The following KCTD8 variants were observed in gnomAD, a reference collection of about 807,000 sequenced individuals.
KCTD8 encodes BTB/POZ domain-containing protein KCTD8.
In KCTD8, 27 loss-of-function variants were observed where a neutral mutation model predicts 31.5. The ratio of observed to expected loss-of-function variants is 0.86; its 90% CI spans 0.63 to 1.18. The LOEUF (loss-of-function observed/expected upper bound fraction) is 1.18, where lower values mean the gene tolerates loss of function less well. Ranked by LOEUF, KCTD8 falls within the 50% of genes most tolerant of loss-of-function variation. The pLI is 0.00. For missense variants in KCTD8, 658 were observed against 647.7 expected, an observed-to-expected ratio of 1.02 and a Z score of -0.17; for synonymous variants, 290 against 280.0, an observed-to-expected ratio of 1.04 and a Z score of -0.36.
intron 1 of KCTD8, among the ~76,000 whole-genome samples, chr4:44,234,600 T>TA (rs1715221427): frequency 6.6e-6 from 1 of 152,154 alleles, no homozygotes; most frequent in Admixed American, 6.6e-5. Flanking sequence ...CAGCAGGGTA[T>TA]AACTCCATTG....
chr4:44,395,410 C>T (rs929513833), intron 1 of KCTD8, among the ~76,000 whole-genome samples: 2 of 152,074 alleles, frequency 1.3e-5, no homozygotes, highest in Non-Finnish European at 2.9e-5. Flanking sequence ...GGACACAACA[C>T]GGTACCTGAT....
At chr4:44,327,354 T>G (rs1439093732) in intron 1 of KCTD8, among the ~76,000 whole-genome samples, 1 of 151,870 alleles carries the variant, frequency 6.6e-6, no homozygotes, top group East Asian at 1.9e-4. Context: ...GTATTTAATA[T>G]GTTAACTTCA....
intron 1 of KCTD8, among the ~76,000 whole-genome samples, chr4:44,303,577 A>T (rs1717705259): frequency 6.6e-6 from 1 of 152,068 alleles, no homozygotes; most frequent in African/African-American, 2.4e-5. Flanking sequence ...GTACTTTGGG[A>T]GGCTGAGGCA....
At chr4:44,286,310 C>T (rs1717066280) in intron 1 of KCTD8, among the ~76,000 whole-genome samples, 1 of 152,100 alleles carries the variant, frequency 6.6e-6, no homozygotes, top group African/African-American at 2.4e-5. Flanking sequence ...AAATACATTC[C>T]TAATGTTCCC....
At chr4:44,310,252 T>C (rs1717913146) in intron 1 of KCTD8, among the ~76,000 whole-genome samples, 1 of 152,096 alleles carries the variant, frequency 6.6e-6, no homozygotes, top group Non-Finnish European at 1.5e-5. Flanking sequence ...ATGCTGCTTG[T>C]ACAATGGGGA....
At chr4:44,403,432 A>T (rs1720712489) in intron 1 of KCTD8, among the ~76,000 whole-genome samples, 1 of 151,690 alleles carries the variant, frequency 6.6e-6, no homozygotes, top group Non-Finnish European at 1.5e-5. Flanking sequence ...ACCATTAAAA[A>T]AAAAAAAAAA....
chr4:44,441,903 A>C (rs1721819432), intron 1 of KCTD8, among the ~76,000 whole-genome samples: 1 of 152,212 alleles, frequency 6.6e-6, no homozygotes, highest in African/African-American at 2.4e-5. Context: ...AATATTTATA[A>C]AACTGTGGCA....
At chr4:44,433,625 C>T (rs967942450) in intron 1 of KCTD8, among the ~76,000 whole-genome samples, 3 of 151,784 alleles carry the variant, frequency 2.0e-5, no homozygotes, top group Non-Finnish European at 4.4e-5. Context: ...AAGGCCTTCA[C>T]TAGATACAGT....
At chr4:44,304,210 A>G (rs1178137719) in intron 1 of KCTD8, among the ~76,000 whole-genome samples, 1 of 152,166 alleles carries the variant, frequency 6.6e-6, no homozygotes, top group East Asian at 1.9e-4. Context: ...CCCAAGAAGA[A>G]TAAGACAAAA....
At chr4:44,429,627 G>T (rs993726743) in intron 1 of KCTD8, among the ~76,000 whole-genome samples, 1 of 151,724 alleles carries the variant, frequency 6.6e-6, no homozygotes, top group Non-Finnish European at 1.5e-5. Context: ...TTAAACATAA[G>T]GAATAACTTT....
chr4:44,261,901 G>A (rs552035959), intron 1 of KCTD8, among the ~76,000 whole-genome samples: 101 of 152,096 alleles, frequency 6.6e-4, no homozygotes, highest in Non-Finnish European at 1.2e-3. Flanking sequence ...TGTACATCTT[G>A]AATATATATA....
At chr4:44,439,055 A>G (rs756094126) in intron 1 of KCTD8, among the ~76,000 whole-genome samples, 1 of 152,200 alleles carries the variant, frequency 6.6e-6, no homozygotes, top group Admixed American at 6.5e-5. Flanking sequence ...GTGTTCAAGT[A>G]TTCACCTCTT....
At position 44,187,958 on chromosome 4, in the gene KCTD8, A is replaced by AACACACACAC. The variant is rs143071896; in HGVS notation, c.962-12718_962-12709dup. Among the ~76,000 whole-genome samples the AACACACACAC allele has an allele frequency of 7.0e-4, 101 of 144,658 alleles. 1 individual carries two copies. The highest frequency in any genetic ancestry group is 2.5e-3 in the African/African-American group (100 of 39,382). 94.9% of individuals were successfully genotyped at this position (144,658 alleles called of 152,430 possible). ...GGAAGCAGAGGTTGTGGAAGAGGTA[A>AACACACACAC]ACACACACACACACACACACACACA... On this transcript the variant is annotated intron_variant, in intron 1 of 1. Coordinates refer to ENST00000360029, the MANE Select transcript of KCTD8 (RefSeq NM_198353.3).
intron 1 of KCTD8, among the ~76,000 whole-genome samples, chr4:44,436,781 T>C (rs972202435): frequency 2.0e-5 from 3 of 152,062 alleles, no homozygotes; most frequent in Non-Finnish European, 4.4e-5. Flanking sequence ...ATTTTCATAC[T>C]AGAAACTTTA....
chr4:44,417,169 T>C (rs1207047280), intron 1 of KCTD8, among the ~76,000 whole-genome samples: 1 of 152,188 alleles, frequency 6.6e-6, no homozygotes, highest in Admixed American at 6.5e-5. Context: ...ACAGCAATCT[T>C]ATTGGGAGCT....
At chr4:44,407,219 A>T (rs1421026318) in intron 1 of KCTD8, among the ~76,000 whole-genome samples, 1 of 152,070 alleles carries the variant, frequency 6.6e-6, no homozygotes, top group Admixed American at 6.6e-5. Flanking sequence ...TGCCCAACCA[A>T]GTTCTGAAGA....
chr4:44,231,217 A>C (rs1199772521), intron 1 of KCTD8, among the ~76,000 whole-genome samples: 1 of 152,120 alleles, frequency 6.6e-6, no homozygotes, highest in Non-Finnish European at 1.5e-5. Flanking sequence ...AAGATCATAT[A>C]TCTCACCTCA....
intron 1 of KCTD8, among the ~76,000 whole-genome samples, chr4:44,310,949 A>T (rs1037958183): frequency 3.9e-5 from 6 of 152,036 alleles, no homozygotes; most frequent in African/African-American, 1.4e-4. Context: ...AGATCACAAG[A>T]CCAGAACAAA....
intron 1 of KCTD8, among the ~76,000 whole-genome samples, chr4:44,353,715 T>C (rs1394461681): frequency 6.6e-6 from 1 of 152,120 alleles, no homozygotes; most frequent in Non-Finnish European, 1.5e-5. Flanking sequence ...ATATAATATT[T>C]GTCTTTCTGT....
Sources: gnomAD v4.1 joint callset for allele counts (sites outside exome capture counted in the v4.1 genomes callset) on GRCh38, gnomAD v4.1.1 for gene constraint, MANE v1.5 for transcripts, NCBI Gene and HGNC (gene_info 2026-07-23, HGNC 2026-07-21) for gene names.